NBEA: variants seen among roughly 807,000 people sequenced by gnomAD.
The protein encoded by NBEA is neurobeachin, also known as lysosomal-trafficking regulator 2.
In NBEA, 44 loss-of-function variants were observed where a neutral mutation model predicts 343.4. The observed-to-expected ratio is 0.13, with a 90% CI of 0.10 to 0.16. NBEA has a LOEUF of 0.16. Among genes scored for constraint, NBEA ranks in the 10% least tolerant of loss-of-function variants. The pLI is 1.00. For missense variants in NBEA, 2,555 were observed against 3,631.3 expected, an observed-to-expected ratio of 0.70 and a Z score of 7.62; for synonymous variants, 1,175 against 1,238.7, an observed-to-expected ratio of 0.95 and a Z score of 1.08.
chr13:35,370,773 A>G (rs1011294482), intron 38 of NBEA, among the ~76,000 whole-genome samples: 1 of 152,106 alleles, frequency 6.6e-6, no homozygotes, highest in South Asian at 2.1e-4. Flanking sequence ...TTCCAAGTAT[A>G]GGACTCCCTT....
At chr13:35,501,908 G>T (rs1480162469) in intron 41 of NBEA, among the ~76,000 whole-genome samples, 1 of 152,016 alleles carries the variant, frequency 6.6e-6, no homozygotes, top group Non-Finnish European at 1.5e-5. Context: ...TGTCAGAGGG[G>T]ATGTATGTAT....
intron 25 of NBEA, 36 bp downstream of exon 25, chr13:35,169,031 G>A: frequency 6.9e-7 from 1 of 1,443,990 alleles, no homozygotes; most frequent in Non-Finnish European, 9.2e-7. Context: ...TCAGCTTTCA[G>A]TTTCAAGTTT....
At chr13:35,060,802 A>T (rs965579612) in intron 8 of NBEA, among the ~76,000 whole-genome samples, 5 of 151,684 alleles carry the variant, frequency 3.3e-5, no homozygotes, top group African/African-American at 1.2e-4. Flanking sequence ...TGAGTAGTTC[A>T]CACATTATAG....
At chr13:35,573,486 G>A (rs2080548083) in intron 45 of NBEA, among the ~76,000 whole-genome samples, 4 of 152,146 alleles carry the variant, frequency 2.6e-5, no homozygotes, top group Admixed American at 1.3e-4. Context: ...GTGTTTTTGT[G>A]TTTGTTTGTT....
At chr13:35,229,752 A>G (rs1196915643) in intron 33 of NBEA, among the ~76,000 whole-genome samples, 2 of 152,062 alleles carry the variant, frequency 1.3e-5, no homozygotes, top group Non-Finnish European at 2.9e-5. Context: ...GCGATAAAGG[A>G]GGTTCTTAGG....
At chr13:35,585,558 C>T (rs2081258788) in intron 46 of NBEA, among the ~76,000 whole-genome samples, 1 of 151,910 alleles carries the variant, frequency 6.6e-6, no homozygotes, top group African/African-American at 2.4e-5. Context: ...CTTTATATTT[C>T]AGCTGAGCTG....
intron 27 of NBEA, among the ~76,000 whole-genome samples, chr13:35,176,624 C>A (rs2070920285): frequency 2.0e-5 from 3 of 151,934 alleles, no homozygotes; most frequent in Non-Finnish European, 4.4e-5. Context: ...GTATAATAAT[C>A]TCATATATTA....
intron 36 of NBEA, among the ~76,000 whole-genome samples, chr13:35,321,141 G>A (rs960933331): frequency 2.6e-5 from 4 of 151,964 alleles, no homozygotes; most frequent in South Asian, 2.1e-4. Context: ...CCCTGCTGGC[G>A]AGGAGTTGTG....
At chr13:35,022,808 C>T (rs1050006714) in intron 1 of NBEA, among the ~76,000 whole-genome samples, 1 of 152,068 alleles carries the variant, frequency 6.6e-6, no homozygotes, top group Non-Finnish European at 1.5e-5. Context: ...ACCCATTGCA[C>T]AGAATTTTGA....
chr13:35,374,585 A>C (rs1312768642), intron 38 of NBEA, among the ~76,000 whole-genome samples: 1 of 152,126 alleles, frequency 6.6e-6, no homozygotes, highest in Non-Finnish European at 1.5e-5. Context: ...AGGTTTGTGG[A>C]GCATATGTTA....
At chr13:35,664,672 C>A (rs2085264161) in intron 55 of NBEA, among the ~76,000 whole-genome samples, 1 of 152,184 alleles carries the variant, frequency 6.6e-6, no homozygotes, top group African/African-American at 2.4e-5. Context: ...GTTGAATCAC[C>A]TTGCAAAGCC....
chr13:35,664,483 A>G (rs1432756956), intron 55 of NBEA, among the ~76,000 whole-genome samples: 2 of 152,274 alleles, frequency 1.3e-5, no homozygotes, highest in Non-Finnish European at 2.9e-5. Flanking sequence ...TGATAAAAGA[A>G]GAGAAAAATA....
intron 39 of NBEA, among the ~76,000 whole-genome samples, chr13:35,433,717 G>A (rs1192865212): frequency 6.6e-6 from 1 of 151,930 alleles, no homozygotes; most frequent in African/African-American, 2.4e-5. Context: ...ATTATAGTTT[G>A]TCTTCTTTGA....
chr13:35,040,969 A>G lies in NBEA; in HGVS notation c.331A>G (p.Ile111Val). The change falls in exon 2 of 59, where the codon ATT (isoleucine) becomes GTT (valine). Residue 111 changes from isoleucine (I) to valine (V), a missense_variant. Transcript: ENST00000379939. ...AGAATTTGACTTGGAGATGAACTTTATTATCCAGGATGCTGAGAGTATAAC... is the reference window on the plus strand; with the variant it reads ...AGAATTTGACTTGGAGATGAACTTTGTTATCCAGGATGCTGAGAGTATAAC... ...GGEFDLEMNF[I>V]IQDAESITCM... is the part of the protein sequence containing the mutation. The G allele has an allele frequency of 6.2e-7, 1 of 1,613,124 alleles. No homozygotes were observed. The highest frequency in any genetic ancestry group is 8.5e-7 in the Non-Finnish European group (1 of 1,179,352).
At chr13:35,287,274 A>C (rs1159651798) in intron 34 of NBEA, among the ~76,000 whole-genome samples, 2 of 151,934 alleles carry the variant, frequency 1.3e-5, no homozygotes, top group African/African-American at 4.8e-5. Context: ...CTGCACTCCT[A>C]ACTATATTTT....
At chr13:35,007,886 A>G (rs1174368195) in intron 1 of NBEA, among the ~76,000 whole-genome samples, 1 of 152,150 alleles carries the variant, frequency 6.6e-6, no homozygotes, top group Non-Finnish European at 1.5e-5. Context: ...TTCATTATCT[A>G]GGACCCTATA....
chr13:35,057,943 T>A (rs1335105505), intron 7 of NBEA, among the ~76,000 whole-genome samples: 8 of 152,156 alleles, frequency 5.3e-5, no homozygotes, highest in Admixed American at 2.0e-4. Flanking sequence ...TTTATTGCAG[T>A]ACGAAAAGTA....
intron 1 of NBEA, among the ~76,000 whole-genome samples, chr13:34,998,872 G>A (rs2061027304): frequency 6.6e-6 from 1 of 152,150 alleles, no homozygotes; most frequent in South Asian, 2.1e-4. Context: ...ACAGGCATAG[G>A]AAATCACAAG....
At chr13:35,267,586 A>AT (rs946240871) in intron 34 of NBEA, among the ~76,000 whole-genome samples, 3 of 151,938 alleles carry the variant, frequency 2.0e-5, no homozygotes, top group Non-Finnish European at 4.4e-5. Context: ...AAAGAGATAC[A>AT]TATTTGCAAA....
Sources: gnomAD v4.1 joint callset for allele counts (sites outside exome capture counted in the v4.1 genomes callset) on GRCh38, gnomAD v4.1.1 for gene constraint, MANE v1.5 for transcripts, NCBI Gene and HGNC (gene_info 2026-07-23, HGNC 2026-07-21) for gene names.